Variants in SH3BP4 observed in about 807,000 individuals in gnomAD.
SH3BP4 encodes the protein SH3 domain binding protein 4, also known as SH3 domain-binding protein 4.
SH3BP4 carries 33 observed loss-of-function variants against 65.5 expected under a neutral mutation model. The observed-to-expected ratio is 0.50, with a 90% CI of 0.38 to 0.67. The LOEUF (loss-of-function observed/expected upper bound fraction) is 0.67, where lower values mean the gene tolerates loss of function less well. Ranked by LOEUF, SH3BP4 falls within the 30% of genes least tolerant of loss-of-function variation. The pLI is 0.00. For synonymous variants in SH3BP4, 552 were observed against 545.5 expected (o/e 1.01, Z -0.17); for missense variants, 1,134 against 1,261.4 (o/e 0.90, Z 1.53).
chr2:234,966,587 A>G (rs1692845195), intron 1 of SH3BP4, among the ~76,000 whole-genome samples: 1 of 152,210 alleles, frequency 6.6e-6, no homozygotes, highest in Admixed American at 6.5e-5. Context: ...CCACGCAGTA[A>G]ATCTTGTGTG....
chr2:234,977,124 C>T lies in SH3BP4; in HGVS notation c.-206-18179C>T, dbSNP rs1574784636. On this transcript the variant is annotated intron_variant, in intron 1 of 5. Coordinates refer to ENST00000392011, the MANE Select transcript of SH3BP4 (RefSeq NM_014521.3). The surrounding 1 kb of genome is among the most constrained non-coding windows in gnomAD (Gnocchi z 5.1). ...TTTAAATCTATCCTAAAAGAAAAAG[C>T]TTATTTAAGAAAATAGGTAAGAGTG... Among the ~76,000 whole-genome samples the T allele has an allele frequency of 6.6e-6, 1 of 152,182 alleles. No individual in the cohort carries two copies.
At chr2:234,962,332 T>C (rs1692733304) in intron 1 of SH3BP4, among the ~76,000 whole-genome samples, 2 of 152,118 alleles carry the variant, frequency 1.3e-5, no homozygotes, top group Non-Finnish European at 2.9e-5. Flanking sequence ...AGATGGGGGT[T>C]TCACTGTGTT....
chr2:234,971,459 C>A (rs1028961251), intron 1 of SH3BP4, among the ~76,000 whole-genome samples: 1 of 152,208 alleles, frequency 6.6e-6, no homozygotes, highest in African/African-American at 2.4e-5. Flanking sequence ...CCTGGGTGTG[C>A]AGATATCTCT....
In SH3BP4 at chr2:235,038,319, T is replaced by TAA. The variant is rs1695482671; in HGVS notation, c.119-2569_119-2568insAA. Among the ~76,000 whole-genome samples the TAA allele has an allele frequency of 8.0e-4, 8 of 10,028 alleles. 1 individual carries two copies. The highest frequency in any genetic ancestry group is 4.6e-3 in the South Asian group (1 of 218). The allele number at this position is 10,028 out of a possible 152,430, so 6.6% of individuals were successfully genotyped here. On this transcript the variant is annotated intron_variant, in intron 3 of 5. Transcript: ENST00000392011. ...ATATATTATATATATATATTATATA[T>TAA]TATATATATATTATATATAGTATAT...
At position 235,030,824 on chromosome 2, in the gene SH3BP4, C is replaced by A. The variant is rs985710121; in HGVS notation, c.-132-4047C>A. 2.0e-5 allele frequency among the ~76,000 whole-genome samples: 3 copies of A among 152,148 alleles called. No homozygotes were observed. The highest frequency in any genetic ancestry group is 1.3e-4 in the Admixed American group (2 of 15,286). ...CCTTTCAGCCCTCGGTGTGACTCCA[C>A]CTGCTCAGGAAGGTTTTGGGAGTGG... On this transcript the variant is annotated intron_variant, in intron 2 of 5. Coordinates refer to ENST00000392011, the MANE Select transcript of SH3BP4 (RefSeq NM_014521.3). The surrounding 1 kb of genome is among the most constrained non-coding windows in gnomAD (Gnocchi z 4.1).
chr2:234,952,203 G>T lies in SH3BP4; in HGVS notation c.-207+33G>T. On this transcript the variant is annotated intron_variant, in intron 1 of 5. Transcript: ENST00000392011. The surrounding 1 kb of genome is among the most constrained non-coding windows in gnomAD (Gnocchi z 6.5). The stretch of plus-strand genomic sequence containing the variant: ...GGCGGCGGCGGGGAGCGCCTCGGGC[G>T]GCAGGGCCCTGGGGGCCGGCGGGGG... 6.7e-6 allele frequency: 1 copy of T among 150,112 alleles called. No homozygotes were observed. Among genetic ancestry groups the T allele is most frequent in the South Asian group, 1.8e-4 (1 of 5,514 alleles). 9.3% of individuals were successfully genotyped at this position (150,112 alleles called of 1,614,324 possible).
At chr2:235,051,707 G>A (rs993096144) in intron 4 of SH3BP4, among the ~76,000 whole-genome samples, 3 of 152,084 alleles carry the variant, frequency 2.0e-5, no homozygotes, top group Admixed American at 6.6e-5. Context: ...GGCCTCTTCT[G>A]TTCTCTGTCT....
rs190267008 is a variant in SH3BP4, at chr2:234,997,757, A to T, written c.-133+2381A>T. ...TGGGAACACCCTGCCTGTTTCACAGATGAGAAACTCATCTCAGAGTACTCA... is the reference window on the plus strand; with the variant it reads ...TGGGAACACCCTGCCTGTTTCACAGTTGAGAAACTCATCTCAGAGTACTCA... On this transcript the variant is annotated intron_variant, in intron 2 of 5. Coordinates refer to ENST00000392011, the MANE Select transcript of SH3BP4 (RefSeq NM_014521.3). The surrounding 1 kb of genome is among the most constrained non-coding windows in gnomAD (Gnocchi z 4.2). Among the ~76,000 whole-genome samples the T allele has an allele frequency of 2.6e-5, 4 of 152,310 alleles. No individual in the cohort carries two copies. The East Asian group carries it at 7.7e-4, about 29-fold the overall frequency.
In SH3BP4 at chr2:235,042,382, A is replaced by G. The variant is rs750312461; in HGVS notation, c.1613A>G (p.Lys538Arg). ...QFVLSRPQDLKVCMFSNMTNY... is the reference protein window; with the variant it reads ...QFVLSRPQDLRVCMFSNMTNY... ...GTTTTGTCCAGGCCCCAGGATCTCAAGGTCTGTATGTTTTCCAATATGACG... is the reference window on the plus strand; with the variant it reads ...GTTTTGTCCAGGCCCCAGGATCTCAGGGTCTGTATGTTTTCCAATATGACG... The change falls in exon 4 of 6, where the codon AAG becomes AGG. Residue 538 changes from lysine to arginine, a missense_variant. By Grantham distance (26) the Lys-to-Arg change is conservative. Coordinates refer to ENST00000392011, the MANE Select transcript of SH3BP4 (RefSeq NM_014521.3). This position sits in a 1 kb window ranked among gnomAD's most constrained non-coding sequence, Gnocchi z 7.3. The G allele has an allele frequency of 1.2e-6, 2 of 1,614,036 alleles. No individual in the cohort carries two copies. Among genetic ancestry groups the G allele is most frequent in the East Asian group, 2.2e-5 (1 of 44,862 alleles).
rs1280503559 is a variant in SH3BP4 at position 235,055,030 on chromosome 2, A to C, written c.*1214A>C. On this transcript the variant is annotated 3_prime_UTR_variant, in exon 6 of 6. Coordinates refer to ENST00000392011, the MANE Select transcript of SH3BP4 (RefSeq NM_014521.3). Reference sequence around the variant, plus strand: ...TTTTGTAAAAATGAAAATGTGACTCACATAAAATCAGGAACTTGACACAGT... The same window carrying C: ...TTTTGTAAAAATGAAAATGTGACTCCCATAAAATCAGGAACTTGACACAGT... 6.6e-6 allele frequency: 1 copy of C among 152,258 alleles called. No individual in the cohort carries two copies. Among genetic ancestry groups the C allele is most frequent in the African/African-American group, 2.4e-5 (1 of 41,454 alleles). The allele number at this position is 152,258 out of a possible 1,614,324, so 9.4% of individuals were successfully genotyped here.
At chr2:235,013,728 T>C (rs897075819) in intron 2 of SH3BP4, among the ~76,000 whole-genome samples, 11 of 152,168 alleles carry the variant, frequency 7.2e-5, no homozygotes, top group Admixed American at 3.9e-4. Flanking sequence ...TTCTAATGGT[T>C]TGAGCGCATT....
At position 235,045,574 on chromosome 2, in the gene SH3BP4, TTTGTGGTGA is replaced by T. The variant is rs1695830269; in HGVS notation, c.2478+2329_2478+2337del. ...TCGGCTCCCTGAGGCAAGGTTAGATTTTGTGGTGATAAAGTGAAACTGGTTTTGCAGTGT... is the reference window on the plus strand; with the variant it reads ...TCGGCTCCCTGAGGCAAGGTTAGATTTAAAGTGAAACTGGTTTTGCAGTGT... On this transcript the variant is annotated intron_variant, in intron 4 of 5. Transcript: ENST00000392011. The surrounding 1 kb of genome is among the most constrained non-coding windows in gnomAD (Gnocchi z 4.3). Among the ~76,000 whole-genome samples, 1 of 151,982 alleles carries T rather than the reference TTTGTGGTGA, an allele frequency of 6.6e-6. No individual in the cohort carries two copies. The highest frequency in any genetic ancestry group is 2.4e-5 in the African/African-American group (1 of 41,342).
Position 235,042,278 on chromosome 2 carries a change from G to T in SH3BP4, c.1509G>T (p.Thr503=), listed in dbSNP as rs777513309. 1 of 1,614,098 alleles carries T rather than the reference G, an allele frequency of 6.2e-7. No homozygotes were observed. Among genetic ancestry groups the T allele is most frequent in the Admixed American group, 1.7e-5 (1 of 60,022 alleles). Residue 503 remains threonine (T), a synonymous_variant, in exon 4 of 6, where the codon ACG becomes ACT. Coordinates refer to ENST00000392011, the MANE Select transcript of SH3BP4 (RefSeq NM_014521.3). This position sits in a 1 kb window ranked among gnomAD's most constrained non-coding sequence, Gnocchi z 7.3. ...TTGGGCATGACTGTGCCCCAAAGAC[G>T]CTCCTGGTCAGCGAGGTCACACGCC... ...TIFGHDCAPK[T]LLVSEVTRQA...
rs61278438 is a variant in SH3BP4 at position 235,035,226 on chromosome 2, T to G, written c.118+106T>G. 2.4e-6 allele frequency: 2 copies of G among 826,400 alleles called. No homozygotes were observed. Among genetic ancestry groups the G allele is most frequent in the East Asian group, 2.4e-5 (1 of 41,278 alleles). The allele number at this position is 826,400 out of a possible 1,614,324, so 51.2% of individuals were successfully genotyped here. On this transcript the variant is annotated intron_variant, in intron 3 of 5. Coordinates refer to ENST00000392011, the MANE Select transcript of SH3BP4 (RefSeq NM_014521.3). This position sits in a 1 kb window ranked among gnomAD's most constrained non-coding sequence, Gnocchi z 5.0. ...AAAGATTGCCAGTTTAGCATTCAGA[T>G]AGTTAAAGTTTAGTTCTTTAAACTT...
Position 235,030,909 on chromosome 2 carries a change from C to T in SH3BP4, c.-132-3962C>T, listed in dbSNP as rs1312911542. 8.5e-5 allele frequency among the ~76,000 whole-genome samples: 13 copies of T among 152,270 alleles called. No homozygotes were observed. Among genetic ancestry groups the T allele is most frequent in the African/African-American group, 1.7e-4 (7 of 41,550 alleles). On this transcript the variant is annotated intron_variant, in intron 2 of 5. Transcript: ENST00000392011. The surrounding 1 kb of genome is among the most constrained non-coding windows in gnomAD (Gnocchi z 4.1). ...CTGCCCTCTTTCTGTACTGTAAAAACGGCCCCAAGGGTGCGGACAGGGGGC... is the reference window on the plus strand; with the variant it reads ...CTGCCCTCTTTCTGTACTGTAAAAATGGCCCCAAGGGTGCGGACAGGGGGC...
chr2:234,985,994 C>T (rs1445822174), intron 1 of SH3BP4, among the ~76,000 whole-genome samples: 2 of 151,712 alleles, frequency 1.3e-5, no homozygotes, highest in Non-Finnish European at 2.9e-5. Context: ...GTGAACCAGC[C>T]TCTGACACTC....
intron 1 of SH3BP4, among the ~76,000 whole-genome samples, chr2:234,975,355 A>G (rs1693138258): frequency 1.3e-5 from 2 of 152,124 alleles, no homozygotes; most frequent in Admixed American, 1.3e-4. Flanking sequence ...GCACTTGCTG[A>G]GGTCACGGCG....
rs1165800665 is a variant in SH3BP4, at chr2:234,997,699, G to T, written c.-133+2323G>T. Among the ~76,000 whole-genome samples the T allele has an allele frequency of 6.6e-6, 1 of 152,180 alleles. No individual in the cohort carries two copies. Among genetic ancestry groups the T allele is most frequent in the Non-Finnish European group, 1.5e-5 (1 of 68,028 alleles). ...GGTGAGCTCCAGCCCCCGGTGGCTTGAACACCCTCTGTAGTTGTGTCTGCT... is the reference window on the plus strand; with the variant it reads ...GGTGAGCTCCAGCCCCCGGTGGCTTTAACACCCTCTGTAGTTGTGTCTGCT... On this transcript the variant is annotated intron_variant, in intron 2 of 5. Transcript: ENST00000392011. The surrounding 1 kb of genome is among the most constrained non-coding windows in gnomAD (Gnocchi z 4.2).
chr2:235,024,696 A>G (rs1196525811), intron 2 of SH3BP4, among the ~76,000 whole-genome samples: 2 of 152,180 alleles, frequency 1.3e-5, no homozygotes, highest in Non-Finnish European at 2.9e-5. Flanking sequence ...TCAGAATGGC[A>G]CCTAAGATGC....
Sources: gnomAD v4.1 joint callset for allele counts (sites outside exome capture counted in the v4.1 genomes callset) on GRCh38, gnomAD v4.1.1 for gene constraint, Gnocchi (gnomAD v3.1) non-coding constraint, MANE v1.5 for transcripts, NCBI Gene and HGNC (gene_info 2026-07-23, HGNC 2026-07-21) for gene names.